GLI2: variants seen among roughly 807,000 people sequenced by gnomAD.
GLI2 encodes the protein GLI family zinc finger 2, also known as transcription activator GLI2.
In GLI2, 22 loss-of-function variants were observed where a neutral mutation model predicts 78.9. The ratio of observed to expected loss-of-function variants is 0.28; its 90% CI spans 0.20 to 0.40. The LOEUF (loss-of-function observed/expected upper bound fraction) is 0.40. Among genes scored for constraint, GLI2 ranks in the 10% least tolerant of loss-of-function variants. The probability of loss-of-function intolerance (pLI) is 1.00; values close to 1 mark genes in which losing one functional copy is unlikely to be tolerated. For synonymous variants in GLI2, 974 were observed against 963.7 expected, an observed-to-expected ratio of 1.01 and a Z score of -0.20; for missense variants, 2,097 against 2,213.2, an observed-to-expected ratio of 0.95 and a Z score of 1.05.
At chr2:120,953,806 G>A (rs545497446) in intron 4 of GLI2, among the ~76,000 whole-genome samples, 3 of 152,164 alleles carry the variant, frequency 2.0e-5, no homozygotes, top group South Asian at 2.1e-4. Context: ...AGCTAGGATC[G>A]CACCACTGCA....
intron 2 of GLI2, among the ~76,000 whole-genome samples, chr2:120,813,956 G>A (rs1484319371): frequency 6.6e-6 from 1 of 152,012 alleles, no homozygotes; most frequent in African/African-American, 2.4e-5. Context: ...GGAAGGGAGT[G>A]GTGAGGTGAG....
At chr2:120,742,289 G>C (rs1487710762) in intron 1 of GLI2, among the ~76,000 whole-genome samples, 1 of 152,176 alleles carries the variant, frequency 6.6e-6, no homozygotes, top group Non-Finnish European at 1.5e-5. Context: ...TCAGAAAAAA[G>C]ATCTTTGAAT....
intron 1 of GLI2, among the ~76,000 whole-genome samples, chr2:120,752,152 G>A (rs1682891714): frequency 6.6e-6 from 1 of 152,006 alleles, no homozygotes; most frequent in Admixed American, 6.6e-5. Context: ...GCAGTGTTTG[G>A]CAGTTTGCTT....
At chr2:120,957,633 G>T (rs1164524977) in intron 5 of GLI2, among the ~76,000 whole-genome samples, 5 of 152,206 alleles carry the variant, frequency 3.3e-5, no homozygotes. Context: ...GCCAAGAGAG[G>T]TGAGATGAGG....
chr2:120,743,662 A>G (rs916412396), intron 1 of GLI2, among the ~76,000 whole-genome samples: 3 of 152,212 alleles, frequency 2.0e-5, no homozygotes, highest in African/African-American at 7.2e-5. Context: ...AATTAGCCCG[A>G]ACCCCTTGGA....
chr2:120,970,331 G>C (rs1188350570), intron 6 of GLI2, 62 bp from the exon 7 acceptor site: 7 of 879,766 alleles, frequency 8.0e-6, no homozygotes, highest in Non-Finnish European at 1.4e-5. Context: ...TGTCCAGGAA[G>C]TGTCAGCCTA....
rs180752142 is a variant in GLI2 at position 120,968,081 on chromosome 2, G to A, written c.644-633G>A. 3.3e-5 allele frequency among the ~76,000 whole-genome samples: 5 copies of A among 152,316 alleles called. No individual in the cohort carries two copies. The East Asian group carries it at 7.7e-4, about 24-fold the overall frequency. ...TCTCTTCCCCATGGAATTCTCCATAGCAGTGGGAACAGGCAAGCTTCTGCC... is the reference window on the plus strand; with the variant it reads ...TCTCTTCCCCATGGAATTCTCCATAACAGTGGGAACAGGCAAGCTTCTGCC... On this transcript the variant is annotated intron_variant, in intron 5 of 13. Transcript: ENST00000361492.
At chr2:120,816,286 C>G (rs536067834) in intron 2 of GLI2, among the ~76,000 whole-genome samples, 1 of 150,940 alleles carries the variant, frequency 6.6e-6, no homozygotes, top group African/African-American at 2.4e-5. Context: ...ACCTCCGCCT[C>G]CCGGGTTCAG....
chr2:120,878,002 G>T (rs1052380771), intron 2 of GLI2, among the ~76,000 whole-genome samples: 2 of 152,180 alleles, frequency 1.3e-5, no homozygotes, highest in Non-Finnish European at 2.9e-5. Context: ...GCTATTAAAA[G>T]ATTTATTTTC....
At chr2:120,895,150 C>T (rs1573555091) in intron 2 of GLI2, among the ~76,000 whole-genome samples, 1 of 152,336 alleles carries the variant, frequency 6.6e-6, no homozygotes, top group Non-Finnish European at 1.5e-5. Flanking sequence ...GCCTGGCTTC[C>T]CTCTGTGTCA....
At chr2:120,987,662 C>T (rs1683042859) in intron 13 of GLI2, among the ~76,000 whole-genome samples, 1 of 152,192 alleles carries the variant, frequency 6.6e-6, no homozygotes, top group Admixed American at 6.5e-5. Context: ...CTAGGTGGCA[C>T]CACCTCCACA....
chr2:120,815,773 G>A (rs757052316), intron 2 of GLI2, among the ~76,000 whole-genome samples: 2 of 152,196 alleles, frequency 1.3e-5, no homozygotes, highest in African/African-American at 4.8e-5. Flanking sequence ...CTGCCCAGTC[G>A]TGGGAGCAGT....
At chr2:120,956,891 G>A (rs1048841608) in intron 5 of GLI2, among the ~76,000 whole-genome samples, 2 of 152,076 alleles carry the variant, frequency 1.3e-5, no homozygotes, top group Admixed American at 6.5e-5. Flanking sequence ...TCTGTTCCAG[G>A]GGAGCCCTTC....
intron 3 of GLI2, among the ~76,000 whole-genome samples, chr2:120,938,199 A>C (rs909366312): frequency 6.6e-6 from 1 of 152,140 alleles, no homozygotes; most frequent in Non-Finnish European, 1.5e-5. Context: ...CCGGACCCAG[A>C]CACATTCCTG....
chr2:120,958,525 C>T (rs1187998004), intron 5 of GLI2, among the ~76,000 whole-genome samples: 1 of 152,134 alleles, frequency 6.6e-6, no homozygotes, highest in East Asian at 1.9e-4. Context: ...TCCATGGCTG[C>T]TGCTCATCCA....
intron 1 of GLI2, among the ~76,000 whole-genome samples, chr2:120,752,845 T>A (rs1682919676): frequency 6.6e-6 from 1 of 152,202 alleles, no homozygotes; most frequent in African/African-American, 2.4e-5. Flanking sequence ...ACTTGCCTTT[T>A]TCACTCACCT....
chr2:120,778,540 A>G (rs1683749387), intron 1 of GLI2, among the ~76,000 whole-genome samples: 1 of 152,106 alleles, frequency 6.6e-6, no homozygotes, highest in South Asian at 2.1e-4. Context: ...GCTGTGCCTG[A>G]GTTCTGGGGC....
chr2:120,817,599 T>C (rs1239571561), intron 2 of GLI2, among the ~76,000 whole-genome samples: 1 of 152,196 alleles, frequency 6.6e-6, no homozygotes, highest in African/African-American at 2.4e-5. Flanking sequence ...CCAGGCTTTG[T>C]CCTGAGTGCT....
At chr2:120,868,847 G>A (rs1439265329) in intron 2 of GLI2, among the ~76,000 whole-genome samples, 1 of 152,184 alleles carries the variant, frequency 6.6e-6, no homozygotes, top group Non-Finnish European at 1.5e-5. Context: ...GAGAACGTGT[G>A]GCATCTTCTG....
Sources: allele counts gnomAD v4.1 joint callset (sites outside exome capture counted in the v4.1 genomes callset), GRCh38; gene constraint gnomAD v4.1.1; transcripts MANE v1.5; gene names NCBI Gene and HGNC (gene_info 2026-07-23, HGNC 2026-07-21).